Variants in MRC1 observed in about 807,000 individuals in gnomAD.
MRC1 encodes the protein mannose receptor C-type 1, also known as macrophage mannose receptor 1.
In MRC1, 62 loss-of-function variants were observed where a neutral mutation model predicts 102.9. That is an observed-to-expected ratio of 0.60 (90% CI 0.49 to 0.74). MRC1 has a LOEUF of 0.74. Among genes scored for constraint, MRC1 ranks in the 30% least tolerant of loss-of-function variants. The pLI is 0.00. For missense variants in MRC1, 1,237 were observed against 862.8 expected (o/e 1.43, Z -5.43); for synonymous variants, 457 against 298.4 (o/e 1.53, Z -5.48).
intron 3 of MRC1, among the ~76,000 whole-genome samples, chr10:17,830,416 G>A (rs1838552543): frequency 6.6e-6 from 1 of 151,442 alleles, no homozygotes; most frequent in Admixed American, 6.6e-5. Flanking sequence ...ACAGGTGTGA[G>A]CCACCGTGCC....
intron 6 of MRC1, among the ~76,000 whole-genome samples, chr10:17,849,333 T>C (rs1329229169): frequency 1.3e-5 from 2 of 149,800 alleles, no homozygotes; most frequent in Admixed American, 6.6e-5. Flanking sequence ...AGAAAGAAAG[T>C]TGATAAGGTG....
intron 22 of MRC1, among the ~76,000 whole-genome samples, chr10:17,886,158 A>G (rs1320273695): frequency 6.6e-6 from 1 of 152,188 alleles, no homozygotes; most frequent in Non-Finnish European, 1.5e-5. Context: ...AAGAGGAAAG[A>G]AACTCACTGT....
chr10:17,811,206 C>G (rs921256621), intron 1 of MRC1, among the ~76,000 whole-genome samples: 2 of 152,192 alleles, frequency 1.3e-5, no homozygotes, highest in African/African-American at 4.8e-5. Context: ...TCTTCAAAAT[C>G]TGGTGAGTAT....
chr10:17,861,515 T>C lies in MRC1; in HGVS notation c.1634+13T>C, dbSNP rs1440266635. 37 of 856,946 alleles carry C rather than the reference T, an allele frequency of 4.3e-5. No individual in the cohort carries two copies. The East Asian group carries it at 7.7e-4, about 18-fold the overall frequency. The allele number at this position is 856,946 out of a possible 1,614,324, so 53.1% of individuals were successfully genotyped here. ...CTATTGAAGACAGGTATGTAACTAT[T>C]TTAATTTCATTTTAAAATATGTCAA... is the stretch of plus-strand genomic sequence containing the variant. On this transcript the variant is annotated intron_variant, in intron 10 of 29. Coordinates refer to ENST00000569591, the MANE Select transcript of MRC1 (RefSeq NM_002438.4).
intron 3 of MRC1, among the ~76,000 whole-genome samples, chr10:17,829,124 A>C (rs1554838874): frequency 6.6e-6 from 1 of 151,504 alleles, no homozygotes. Flanking sequence ...GGGCAGAGCA[A>C]AGAGCATTCG....
At chr10:17,870,437 A>C in intron 13 of MRC1, 64 bp downstream of exon 13, 1 of 779,164 alleles carries the variant, frequency 1.3e-6, no homozygotes, top group South Asian at 1.3e-5. Flanking sequence ...AAGTTGAGAA[A>C]ATTTGTCTGT....
rs569588861 is a variant in MRC1 at position 17,832,660 on chromosome 10, T to C, written c.638-1015T>C. Among the ~76,000 whole-genome samples the C allele has an allele frequency of 1.9e-4, 28 of 149,066 alleles. No individual in the cohort carries two copies. In the East Asian group the frequency reaches 5.3e-3, roughly 28 times the overall value. ...TGGAGTGCAGTGACGCGATCTCGGC[T>C]CACTGCAAGCTCCGCCTCCCGGGTT... On this transcript the variant is annotated intron_variant, in intron 3 of 29. Coordinates refer to ENST00000569591, the MANE Select transcript of MRC1 (RefSeq NM_002438.4).
At chr10:17,848,900 C>A (rs1189398095) in intron 6 of MRC1, among the ~76,000 whole-genome samples, 2 of 152,110 alleles carry the variant, frequency 1.3e-5, no homozygotes, top group African/African-American at 2.4e-5. Context: ...GACCGTTTGT[C>A]CCCCAGCCAT....
intron 1 of MRC1, among the ~76,000 whole-genome samples, chr10:17,811,647 A>G (rs1245928161): frequency 3.9e-5 from 6 of 152,066 alleles, no homozygotes; most frequent in African/African-American, 1.4e-4. Flanking sequence ...TGCAGCCTTG[A>G]CATCTGGGCT....
chr10:17,835,902 G>C (rs1554839427), intron 4 of MRC1, among the ~76,000 whole-genome samples: 1 of 152,168 alleles, frequency 6.6e-6, no homozygotes, highest in Middle Eastern at 3.2e-3. Flanking sequence ...GGTGATTCTG[G>C]GGCAGCTGGT....
chr10:17,901,737 A>G (rs1833832683), intron 25 of MRC1, among the ~76,000 whole-genome samples: 1 of 152,178 alleles, frequency 6.6e-6, no homozygotes, highest in Non-Finnish European at 1.5e-5. Flanking sequence ...CGATTGTCTT[A>G]ACTATGAGTG....
At chr10:17,893,377 G>A (rs1833708399) in intron 22 of MRC1, among the ~76,000 whole-genome samples, 1 of 151,914 alleles carries the variant, frequency 6.6e-6, no homozygotes, top group Admixed American at 6.6e-5. Context: ...GGCTGGTCTT[G>A]AACTCCCAGG....
chr10:17,910,329 A>G lies in MRC1; in HGVS notation c.4235A>G (p.Lys1412Arg). The G allele has an allele frequency of 1.3e-6, 1 of 780,842 alleles. No homozygotes were observed. The allele number at this position is 780,842 out of a possible 1,614,324, so 48.4% of individuals were successfully genotyped here. ...GAGLAAYFFY[K>R]KRRVHLPQEG... ...GGCCTTGCCGCCTATTTCTTTTATAAGAAAAGACGTGTGCACCTACCTCAA... is the reference window on the plus strand; with the variant it reads ...GGCCTTGCCGCCTATTTCTTTTATAGGAAAAGACGTGTGCACCTACCTCAA... Residue 1412 changes from lysine to arginine, a missense_variant, in exon 30 of 30, where the codon AAG becomes AGG. Coordinates refer to ENST00000569591, the MANE Select transcript of MRC1 (RefSeq NM_002438.4).
At chr10:17,856,143 C>G (rs1833088099) in intron 8 of MRC1, 99 bp from the exon 9 acceptor site, 2 of 705,002 alleles carry the variant, frequency 2.8e-6, no homozygotes. Flanking sequence ...GCACTCCAGC[C>G]TGGGGGACAG....
Position 17,896,898 on chromosome 10 carries a change from G to A in MRC1, c.3251-1136G>A, listed in dbSNP as rs899420698. 3.3e-3 allele frequency among the ~76,000 whole-genome samples: 508 copies of A among 152,288 alleles called. 5 individuals carry two copies. Among genetic ancestry groups the A allele is most frequent in the African/African-American group, 0.01 (428 of 41,568 alleles). Reference sequence around the variant, plus strand: ...GGAGAAAAGGCCAGTATACACACTGGTAAACAAGGATATCTCGATCCCTAG... The same window carrying A: ...GGAGAAAAGGCCAGTATACACACTGATAAACAAGGATATCTCGATCCCTAG... On this transcript the variant is annotated intron_variant, in intron 23 of 29. Coordinates refer to ENST00000569591, the MANE Select transcript of MRC1 (RefSeq NM_002438.4).
At chr10:17,885,466 A>G (rs1403939692) in intron 22 of MRC1, 31 bp downstream of exon 22, 2 of 779,640 alleles carry the variant, frequency 2.6e-6, no homozygotes, top group African/African-American at 3.4e-5. Flanking sequence ...ACCTCTCTAC[A>G]CACCATCAGC....
At chr10:17,827,140 A>G (rs1188128006) in intron 2 of MRC1, among the ~76,000 whole-genome samples, 2 of 152,014 alleles carry the variant, frequency 1.3e-5, no homozygotes, top group African/African-American at 4.8e-5. Context: ...TGGTACTATG[A>G]GTTATTATTA....
At chr10:17,821,155 A>T (rs1280018196) in intron 1 of MRC1, among the ~76,000 whole-genome samples, 8 of 152,208 alleles carry the variant, frequency 5.3e-5, no homozygotes, top group Admixed American at 4.6e-4. Context: ...ATGAATGAGT[A>T]ACCCAGCAGA....
At chr10:17,880,050 GA>G in intron 19 of MRC1, among the ~76,000 whole-genome samples, 1 of 152,050 alleles carries the variant, frequency 6.6e-6, no homozygotes, top group East Asian at 1.9e-4. Flanking sequence ...CCCAAATTAG[GA>G]ACCATTTTTT....
Sources: gnomAD v4.1 joint callset for allele counts (sites outside exome capture counted in the v4.1 genomes callset) on GRCh38, gnomAD v4.1.1 for gene constraint, MANE v1.5 for transcripts, NCBI Gene and HGNC (gene_info 2026-07-23, HGNC 2026-07-21) for gene names.